The following CHRNE variants were observed in gnomAD, a reference collection of about 807,000 sequenced individuals.
The protein encoded by CHRNE is cholinergic receptor nicotinic epsilon subunit, also known as acetylcholine receptor subunit epsilon.
In CHRNE, 58 loss-of-function variants were observed where a neutral mutation model predicts 56.5. That is an observed-to-expected ratio of 1.03 (90% CI 0.83 to 1.28). The LOEUF (loss-of-function observed/expected upper bound fraction) is 1.28, where lower values mean the gene tolerates loss of function less well. Among genes scored for constraint, CHRNE ranks in the 50% most tolerant of loss-of-function variants. CHRNE has a pLI of 0.00. For missense variants in CHRNE, 793 were observed against 688.9 expected (o/e 1.15, Z -1.69); for synonymous variants, 385 against 297.9 (o/e 1.29, Z -3.01).
rs373084870 is a variant in CHRNE at position 4,901,483 on chromosome 17, C to A, written c.601+42G>T. On this transcript the variant is annotated intron_variant, in intron 6 of 11. Coordinates refer to ENST00000649488, the MANE Select transcript of CHRNE (RefSeq NM_000080.4). ...CACCGTGGAAGTCCCCTCTCTGGAC[C>A]CCGTCTAGAAGCGGGTTTTTCTGAG... 11 of 1,580,236 alleles carry A rather than the reference C, an allele frequency of 7.0e-6. No homozygotes were observed. The African/African-American group carries it at 1.1e-4, about 15-fold the overall frequency.
rs750889051 is a variant in CHRNE, at chr17:4,899,322, G to T, written c.1095C>A (p.Ala365=). The change falls in exon 10 of 12, where the codon GCC becomes GCA. Residue 365 remains alanine (A), a synonymous_variant. Coordinates refer to ENST00000649488, the MANE Select transcript of CHRNE (RefSeq NM_000080.4). ...GSPPPPEAPR[A]ASPPRRASSV... ...ACGACGCCCGCCTTGGGGGCGAGGC[G>T]GCCCGGGGGGCCTCGGGCGGCGGCG... is the stretch of plus-strand genomic sequence containing the variant. The T allele has an allele frequency of 1.3e-6, 2 of 1,561,212 alleles. No homozygotes were observed. Among genetic ancestry groups the T allele is most frequent in the South Asian group, 1.2e-5 (1 of 86,820 alleles).
chr17:4,908,474 C>T lies in CHRNE; in HGVS notation c.-887-5711G>A, dbSNP rs370539567. Among the ~76,000 whole-genome samples, 22 of 123,346 alleles carry T rather than the reference C, an allele frequency of 1.8e-4. No homozygotes were observed. In the South Asian group the frequency reaches 4.9e-3, roughly 28 times the overall value. The allele number at this position is 123,346 out of a possible 152,430, so 80.9% of individuals were successfully genotyped here. A position where few individuals can be genotyped will look rare whatever the true frequency, so the allele number is the denominator to read the frequency against. On this transcript the variant is annotated intron_variant, in intron 1 of 10. Transcript: ENST00000649830. ...GCCAGTGCTGGGAGCAAAGCTCAGC[C>T]ACCGTTCCTGCCAGCGCTGGGAGCA...
At position 4,898,320 on chromosome 17, in the gene CHRNE, C is replaced by T. The variant is rs1969790290; in HGVS notation, c.*416G>A. 6.7e-6 allele frequency: 2 copies of T among 297,134 alleles called. No homozygotes were observed. Among genetic ancestry groups the T allele is most frequent in the Admixed American group, 9.4e-5 (2 of 21,184 alleles). 18.4% of individuals were successfully genotyped at this position (297,134 alleles called of 1,614,324 possible). A position where few individuals can be genotyped will look rare whatever the true frequency, so the allele number is the denominator to read the frequency against. ...CCCACCCGCTCCAGCAGAGCCAGACCAGGGAAGAAGAGGGTTTCCTGGCTA... is the reference window on the plus strand; with the variant it reads ...CCCACCCGCTCCAGCAGAGCCAGACTAGGGAAGAAGAGGGTTTCCTGGCTA... On this transcript the variant is annotated 3_prime_UTR_variant, in exon 12 of 12. Coordinates refer to ENST00000649488, the MANE Select transcript of CHRNE (RefSeq NM_000080.4).
rs1409633015 is a variant in CHRNE at position 4,898,746 on chromosome 17, A to T, written c.1472T>A (p.Ile491Asn). Reference protein sequence around the residue: ...RVPDLPYAPCIQP With the variant: ...RVPDLPYAPCNQP ...TGAAGTCGGTGCGAGCTAAGGCTGG[A>T]TACACGGCGCGTAGGGGAGATCAGG... Residue 491 changes from isoleucine (I) to asparagine (N), a missense_variant, in exon 12 of 12, where the codon ATC becomes AAC. Coordinates refer to ENST00000649488, the MANE Select transcript of CHRNE (RefSeq NM_000080.4). 1 of 1,610,978 alleles carries T rather than the reference A, an allele frequency of 6.2e-7. No homozygotes were observed. Among genetic ancestry groups the T allele is most frequent in the Non-Finnish European group, 8.5e-7 (1 of 1,179,084 alleles).
chr17:4,903,944 G>T (rs369156272), upstream of CHRNE, among the ~76,000 whole-genome samples: 32 of 152,082 alleles, frequency 2.1e-4, no homozygotes, highest in Non-Finnish European at 4.0e-4. Context: ...TGCAACCTCC[G>T]CCTCCCGGGT....
Position 4,898,401 on chromosome 17 carries a change from A to C in CHRNE, c.*335T>G. 2.5e-6 allele frequency: 1 copy of C among 404,104 alleles called. No homozygotes were observed. The highest frequency in any genetic ancestry group is 2.2e-5 in the South Asian group (1 of 46,104). 25.0% of individuals were successfully genotyped at this position (404,104 alleles called of 1,614,324 possible). ...GGTCTCCTGTTTGGCTATGAAATGA[A>C]TATAGATAGATAGCTCACAAGCTGG... On this transcript the variant is annotated 3_prime_UTR_variant, in exon 12 of 12. Transcript: ENST00000649488.
intron 8 of CHRNE, 138 bp from the exon 9 acceptor site, chr17:4,899,720 C>CCT (rs1567637276): frequency 3.3e-6 from 5 of 1,526,384 alleles, no homozygotes; most frequent in Non-Finnish European, 4.4e-6. Flanking sequence ...CGACGACAGA[C>CCT]GCGTCCCCCA....
chr17:4,907,188 G>A (rs1453274661), upstream of CHRNE, among the ~76,000 whole-genome samples: 2 of 151,962 alleles, frequency 1.3e-5, no homozygotes, highest in South Asian at 2.1e-4. Context: ...AAACTTAAGA[G>A]TGTAATTGCA....
chr17:4,901,372 T>G, intron 6 of CHRNE, 153 bp downstream of exon 6: 1 of 936,560 alleles, frequency 1.1e-6, no homozygotes, highest in Non-Finnish European at 1.7e-6. Context: ...AGGACTAGAG[T>G]AACAATCGAG....
In CHRNE at chr17:4,898,471, G is replaced by A; in HGVS notation, c.*265C>T. On this transcript the variant is annotated 3_prime_UTR_variant, in exon 12 of 12. Coordinates refer to ENST00000649488, the MANE Select transcript of CHRNE (RefSeq NM_000080.4). ...GGGCTGAGCCTTAGAAAGGCTGGGAGGTCAGCAAGGCTGAATGAAGGGCAG... is the reference window on the plus strand; with the variant it reads ...GGGCTGAGCCTTAGAAAGGCTGGGAAGTCAGCAAGGCTGAATGAAGGGCAG... 1.8e-6 allele frequency: 1 copy of A among 543,898 alleles called. No homozygotes were observed. The highest frequency in any genetic ancestry group is 3.3e-6 in the Non-Finnish European group (1 of 301,788). 33.7% of individuals were successfully genotyped at this position (543,898 alleles called of 1,614,324 possible).
intron 8 of CHRNE, chr17:4,899,851 C>T: frequency 6.4e-7 from 1 of 1,551,084 alleles, no homozygotes; most frequent in East Asian, 2.4e-5. Flanking sequence ...CCGCCAAGGG[C>T]TGCACCTCGA....
chr17:4,906,426 A>G (rs1265042750), upstream of CHRNE, among the ~76,000 whole-genome samples: 1 of 152,234 alleles, frequency 6.6e-6, no homozygotes, highest in African/African-American at 2.4e-5. Context: ...GTTAATATAA[A>G]TTCACTCTAT....
At chr17:4,903,124 G>A, upstream of CHRNE, 1 of 1,573,982 alleles carries the variant, frequency 6.4e-7, no homozygotes, top group Middle Eastern at 1.7e-4. Context: ...GGCATGCCAG[G>A]GTGCCTGTGT....
In CHRNE at chr17:4,902,069, T is replaced by C. The variant is rs779901038; in HGVS notation, c.363A>G (p.Gly121=). ...CGAGCACGTTGGCGTCGTAGGCCAC[T>C]CCGAACTGGCCATCAATACTGTGGG... ...VLENNIDGQF[G]VAYDANVLVY... is the part of the protein sequence containing the mutation. The change falls in exon 5 of 12, where the codon GGA becomes GGG. Residue 121 remains glycine, a synonymous_variant. Transcript: ENST00000649488. This position sits in a 1 kb window ranked among gnomAD's most constrained non-coding sequence, Gnocchi z 4.0. 1 of 1,613,986 alleles carries C rather than the reference T, an allele frequency of 6.2e-7. No individual in the cohort carries two copies. Among genetic ancestry groups the C allele is most frequent in the Admixed American group, 1.7e-5 (1 of 60,022 alleles).
rs1339737560 is a variant in CHRNE at position 4,897,872 on chromosome 17, CCTCTT to C, written c.*859_*863del. 1 of 151,264 alleles carries C rather than the reference CCTCTT, an allele frequency of 6.6e-6. No individual in the cohort carries two copies. The highest frequency in any genetic ancestry group is 2.4e-5 in the African/African-American group (1 of 41,196). 9.4% of individuals were successfully genotyped at this position (151,264 alleles called of 1,614,324 possible). ...TTCCCCCCATTCCCGACCCCCCTCT[CCTCTT>C]CTAGCCCATGCCCTTCCCCGGTGGA... On this transcript the variant is annotated 3_prime_UTR_variant, in exon 12 of 12. Transcript: ENST00000649488.
chr17:4,907,425 G>A (rs935871405), upstream of CHRNE, among the ~76,000 whole-genome samples: 8 of 151,624 alleles, frequency 5.3e-5, no homozygotes, highest in South Asian at 2.1e-4. Context: ...AAAATTAGCC[G>A]GGCATGGTGG....
upstream of CHRNE, among the ~76,000 whole-genome samples, chr17:4,904,005 A>C (rs1311419450): frequency 2.0e-5 from 3 of 151,952 alleles, no homozygotes; most frequent in Non-Finnish European, 2.9e-5. Context: ...CTACAGGCGC[A>C]TGCCACCATG....
In CHRNE at chr17:4,898,406, G is replaced by T. The variant is rs1042202839; in HGVS notation, c.*330C>A. On this transcript the variant is annotated 3_prime_UTR_variant, in exon 12 of 12. Transcript: ENST00000649488. ...CCTGTTTGGCTATGAAATGAATATAGATAGATAGCTCACAAGCTGGCAGCC... is the reference window on the plus strand; with the variant it reads ...CCTGTTTGGCTATGAAATGAATATATATAGATAGCTCACAAGCTGGCAGCC... 5 of 416,894 alleles carry T rather than the reference G, an allele frequency of 1.2e-5. No homozygotes were observed. Among genetic ancestry groups the T allele is most frequent in the Non-Finnish European group, 1.8e-5 (4 of 221,038 alleles). The allele number at this position is 416,894 out of a possible 1,614,324, so 25.8% of individuals were successfully genotyped here. A position where few individuals can be genotyped will look rare whatever the true frequency, so the allele number is the denominator to read the frequency against.
Position 4,899,571 on chromosome 17 carries a change from A to C in CHRNE, c.929T>G (p.Phe310Cys). 6.3e-7 allele frequency: 1 copy of C among 1,587,772 alleles called. No individual in the cohort carries two copies. The highest frequency in any genetic ancestry group is 2.3e-5 in the East Asian group (1 of 43,952). The change falls in exon 9 of 12, where the codon TTC becomes TGC. Residue 310 changes from phenylalanine (F) to cysteine (C), a missense_variant. Physicochemically the swap from Phe to Cys is radical, Grantham distance 205. Transcript: ENST00000649488. ...AATGAGCGTGGCGACCACCATGACG[A>C]AAATAAGGAACCTGAGGAGCCCGGA... ...SVPLLGRFLI[F>C]VMVVATLIVM...
Sources: gnomAD v4.1 joint callset for allele counts (sites outside exome capture counted in the v4.1 genomes callset) on GRCh38, gnomAD v4.1.1 for gene constraint, Gnocchi (gnomAD v3.1) non-coding constraint, MANE v1.5 for transcripts, NCBI Gene and HGNC (gene_info 2026-07-23, HGNC 2026-07-21) for gene names.